The following DNER variants were observed in gnomAD, a reference collection of about 807,000 sequenced individuals.
DNER encodes the protein delta/notch like EGF repeat containing.
Under a neutral mutation model 78.2 loss-of-function variants are expected in DNER, and 33 were observed. The observed-to-expected ratio is 0.42, with a 90% CI of 0.32 to 0.56. The LOEUF (loss-of-function observed/expected upper bound fraction) is 0.56. Ranked by LOEUF, DNER falls within the 20% of genes least tolerant of loss-of-function variation. DNER has a pLI of 0.11. For synonymous variants in DNER, 417 were observed against 384.8 expected (o/e 1.08, Z -0.98); for missense variants, 918 against 975.3 (o/e 0.94, Z 0.78).
intron 4 of DNER, among the ~76,000 whole-genome samples, chr2:229,549,491 G>A (rs1696688137): frequency 6.6e-6 from 1 of 152,136 alleles, no homozygotes. Flanking sequence ...TTGAGGCGGG[G>A]TGTCACCATG....
intron 1 of DNER, among the ~76,000 whole-genome samples, chr2:229,624,503 A>G (rs561183752): frequency 1.1e-3 from 165 of 152,278 alleles, no homozygotes; most frequent in African/African-American, 3.0e-3. Context: ...AACTAAAAAA[A>G]AAATAGTTAA....
At chr2:229,375,724 C>A (rs1425835959) in intron 11 of DNER, among the ~76,000 whole-genome samples, 2 of 152,194 alleles carry the variant, frequency 1.3e-5, no homozygotes, top group Non-Finnish European at 2.9e-5. Context: ...TTGAGAATTT[C>A]TACTATTGAT....
chr2:229,662,982 A>G (rs777487660), intron 1 of DNER, among the ~76,000 whole-genome samples: 1 of 152,166 alleles, frequency 6.6e-6, no homozygotes, highest in Non-Finnish European at 1.5e-5. Flanking sequence ...AGTTGCTAAG[A>G]TCTCCTCCTA....
chr2:229,539,484 G>C (rs1372606398), intron 5 of DNER, among the ~76,000 whole-genome samples: 2 of 152,198 alleles, frequency 1.3e-5, no homozygotes, highest in South Asian at 4.1e-4. Flanking sequence ...CACACAATCT[G>C]TGAGATGGCC....
chr2:229,680,552 C>A (rs1175114733), intron 1 of DNER, among the ~76,000 whole-genome samples: 1 of 152,188 alleles, frequency 6.6e-6, no homozygotes, highest in Non-Finnish European at 1.5e-5. Context: ...GATGGGCCAG[C>A]AATTTGGTCT....
intron 1 of DNER, among the ~76,000 whole-genome samples, chr2:229,668,558 A>ATG (rs1559202210): frequency 8.0e-6 from 1 of 124,904 alleles, no homozygotes; most frequent in East Asian, 2.1e-4. Context: ...ATATATATAT[A>ATG]TATATATATA....
At chr2:229,605,583 G>A (rs1697918943) in intron 1 of DNER, among the ~76,000 whole-genome samples, 1 of 152,184 alleles carries the variant, frequency 6.6e-6, no homozygotes, top group African/African-American at 2.4e-5. Context: ...TGAACACAGA[G>A]CATCCTCTGA....
At chr2:229,625,981 G>A (rs1354431275) in intron 1 of DNER, among the ~76,000 whole-genome samples, 2 of 151,842 alleles carry the variant, frequency 1.3e-5, no homozygotes, top group Admixed American at 6.6e-5. Flanking sequence ...CTGCAGTGGC[G>A]CTATCTCGGC....
chr2:229,531,348 T>C (rs1445724600), intron 5 of DNER, among the ~76,000 whole-genome samples: 1 of 152,210 alleles, frequency 6.6e-6, no homozygotes, highest in Non-Finnish European at 1.5e-5. Flanking sequence ...TTCAGTTTTG[T>C]TGGGGAAACT....
intron 12 of DNER, among the ~76,000 whole-genome samples, chr2:229,360,213 A>C (rs1313010437): frequency 6.6e-6 from 1 of 152,202 alleles, no homozygotes; most frequent in Non-Finnish European, 1.5e-5. Flanking sequence ...TATTTCTCAT[A>C]AAATACCTAG....
intron 5 of DNER, among the ~76,000 whole-genome samples, chr2:229,528,410 T>G (rs1226858633): frequency 2.0e-5 from 3 of 152,174 alleles, no homozygotes; most frequent in Non-Finnish European, 4.4e-5. Flanking sequence ...CATTAGAAAT[T>G]TTTCCAGCAT....
chr2:229,420,252 G>A lies in DNER; in HGVS notation c.1487-2022C>T, dbSNP rs190848291. 1.9e-3 allele frequency among the ~76,000 whole-genome samples: 284 copies of A among 152,178 alleles called. 2 individuals are homozygous for A. Among genetic ancestry groups the A allele is most frequent in the Non-Finnish European group, 1.6e-4 (11 of 68,012 alleles). ...AAATATTTACTGTCTGGCCCTTTGC[G>A]CAGAACAAGTTTGCTGATTCTTGAT... On this transcript the variant is annotated intron_variant, in intron 8 of 12. Transcript: ENST00000341772.
intron 7 of DNER, among the ~76,000 whole-genome samples, chr2:229,473,656 G>A (rs751961778): frequency 2.0e-5 from 3 of 152,286 alleles, no homozygotes; most frequent in Non-Finnish European, 2.9e-5. Context: ...AACGCAACCC[G>A]TAGGAAAGGT....
intron 6 of DNER, among the ~76,000 whole-genome samples, chr2:229,504,618 T>C (rs1269877209): frequency 6.6e-6 from 1 of 152,228 alleles, no homozygotes; most frequent in Non-Finnish European, 1.5e-5. Flanking sequence ...CCCCTTTTTT[T>C]ACACAAAATT....
intron 7 of DNER, among the ~76,000 whole-genome samples, chr2:229,455,967 G>T (rs1282660084): frequency 6.6e-6 from 1 of 152,136 alleles, no homozygotes; most frequent in Non-Finnish European, 1.5e-5. Flanking sequence ...TCAGGTCCAA[G>T]CTCCTAACCA....
chr2:229,477,362 C>A (rs1695058842), intron 6 of DNER, 109 bp from the exon 7 acceptor site: 1 of 634,508 alleles, frequency 1.6e-6, no homozygotes, highest in Non-Finnish European at 2.7e-6. Flanking sequence ...AAGGCAGTGG[C>A]AGCCTTCAGC....
intron 1 of DNER, among the ~76,000 whole-genome samples, chr2:229,680,566 C>T (rs1699369472): frequency 6.6e-6 from 1 of 152,346 alleles, no homozygotes; most frequent in Non-Finnish European, 1.5e-5. Flanking sequence ...TTGGTCTCAA[C>T]ACTGGAATGT....
intron 4 of DNER, among the ~76,000 whole-genome samples, chr2:229,578,745 T>A (rs914029295): frequency 2.6e-5 from 4 of 152,194 alleles, no homozygotes; most frequent in African/African-American, 9.7e-5. Flanking sequence ...CAGTTGCTTT[T>A]GAAACTTTCA....
At chr2:229,671,605 GCA>G (rs1699210037) in intron 1 of DNER, among the ~76,000 whole-genome samples, 1 of 152,192 alleles carries the variant, frequency 6.6e-6, no homozygotes. Flanking sequence ...CCACCACAAA[GCA>G]CAGTGTCCAC....
Sources: gnomAD v4.1 joint callset for allele counts (sites outside exome capture counted in the v4.1 genomes callset) on GRCh38, gnomAD v4.1.1 for gene constraint, MANE v1.5 for transcripts, NCBI Gene and HGNC (gene_info 2026-07-23, HGNC 2026-07-21) for gene names.